Variants in GNG7 observed in about 807,000 individuals in gnomAD.
GNG7 encodes G protein subunit gamma 7.
In GNG7, 1 loss-of-function variant was observed where a neutral mutation model predicts 4.0. The ratio of observed to expected loss-of-function variants is 0.25; its 90% CI spans 0.09 to 1.18. GNG7 has a LOEUF of 1.18. GNG7 is among the 50% of genes most tolerant of loss of function. The pLI is 0.50. For missense variants in GNG7, 86 were observed against 91.9 expected (o/e 0.94, Z 0.26); for synonymous variants, 34 against 36.9 (o/e 0.92, Z 0.29).
intron 1 of GNG7, among the ~76,000 whole-genome samples, chr19:2,678,682 G>A (rs1983655426): frequency 6.6e-6 from 1 of 152,152 alleles, no homozygotes; most frequent in South Asian, 2.1e-4. Flanking sequence ...AGCAGGCAGC[G>A]CCTCCAAGAT....
At chr19:2,568,798 G>A (rs555111365) in intron 2 of GNG7, among the ~76,000 whole-genome samples, 203 of 146,310 alleles carry the variant, frequency 1.4e-3, no homozygotes, top group Non-Finnish European at 1.6e-3. Flanking sequence ...ACATATACAC[G>A]CACATATATA....
intron 1 of GNG7, among the ~76,000 whole-genome samples, chr19:2,675,158 C>T (rs1983562266): frequency 6.6e-6 from 1 of 152,196 alleles, no homozygotes; most frequent in Non-Finnish European, 1.5e-5. Flanking sequence ...AACAGTTGGA[C>T]GTGTTCATAA....
rs1004978770 is a variant in GNG7 at position 2,614,751 on chromosome 19, T to C, written c.-78+31473A>G. Among the ~76,000 whole-genome samples, 1 of 152,228 alleles carries C rather than the reference T, an allele frequency of 6.6e-6. No homozygotes were observed. The highest frequency in any genetic ancestry group is 1.5e-5 in the Non-Finnish European group (1 of 68,038). Reference sequence around the variant, plus strand: ...GTGAATCGTACTGTATGAACATTTGTGGCAAGGTTCTATTTGAACACCTGC... The same window carrying C: ...GTGAATCGTACTGTATGAACATTTGCGGCAAGGTTCTATTTGAACACCTGC... On this transcript the variant is annotated intron_variant, in intron 2 of 4. Transcript: ENST00000382159. The surrounding 1 kb of genome is among the most constrained non-coding windows in gnomAD (Gnocchi z 6.0).
chr19:2,681,041 C>T (rs572390225), intron 1 of GNG7, among the ~76,000 whole-genome samples: 26 of 152,078 alleles, frequency 1.7e-4, no homozygotes, highest in Non-Finnish European at 2.4e-4. Flanking sequence ...TGAGGACTGA[C>T]GCGGAGCATG....
chr19:2,546,846 C>T lies in GNG7; in HGVS notation c.-38+8303G>A, dbSNP rs375107362. ...ACGGTCATGTGAGAGTTTGCAAGCC[C>T]GGGAACCGGGGCCGGGCCAGGACAC... is the stretch of plus-strand genomic sequence containing the variant. On this transcript the variant is annotated intron_variant, in intron 3 of 4. Transcript: ENST00000382159. This position sits in a 1 kb window ranked among gnomAD's most constrained non-coding sequence, Gnocchi z 6.3. Among the ~76,000 whole-genome samples, 125 of 152,262 alleles carry T rather than the reference C, an allele frequency of 8.2e-4. No individual in the cohort carries two copies. Among genetic ancestry groups the T allele is most frequent in the African/African-American group, 2.7e-3 (114 of 41,548 alleles).
chr19:2,668,770 C>T (rs370010959), intron 1 of GNG7, among the ~76,000 whole-genome samples: 2 of 152,056 alleles, frequency 1.3e-5, no homozygotes, highest in East Asian at 3.9e-4. Flanking sequence ...CTTTGCACAG[C>T]GGGTTAGATA....
intron 2 of GNG7, among the ~76,000 whole-genome samples, chr19:2,558,467 C>T (rs1328872244): frequency 4.6e-5 from 7 of 152,046 alleles, no homozygotes; most frequent in South Asian, 2.1e-4. Context: ...CTCCTGGGCC[C>T]AAGCGATCCT....
chr19:2,608,041 T>G (rs1599419325), intron 2 of GNG7, among the ~76,000 whole-genome samples: 1 of 122,378 alleles, frequency 8.2e-6, no homozygotes, highest in Non-Finnish European at 1.6e-5. Flanking sequence ...GAAGATCAGA[T>G]GGTATTTGAG....
chr19:2,564,481 C>T (rs774703907), intron 2 of GNG7, among the ~76,000 whole-genome samples: 4 of 151,994 alleles, frequency 2.6e-5, no homozygotes, highest in Non-Finnish European at 5.9e-5. Flanking sequence ...GGCGGAGGCA[C>T]GAGAATTGCT....
chr19:2,639,188 C>T (rs566709842), intron 2 of GNG7, among the ~76,000 whole-genome samples: 3 of 151,506 alleles, frequency 2.0e-5, no homozygotes, highest in Non-Finnish European at 2.9e-5. Flanking sequence ...GAACCAAGAT[C>T]GCGCCACTGC....
At chr19:2,573,290 T>C (rs1211971483) in intron 2 of GNG7, among the ~76,000 whole-genome samples, 1 of 151,874 alleles carries the variant, frequency 6.6e-6, no homozygotes, top group African/African-American at 2.4e-5. Flanking sequence ...CCCAAAGTGC[T>C]GGGATTACAG....
chr19:2,545,192 A>T (rs1044613372), intron 3 of GNG7, among the ~76,000 whole-genome samples: 2 of 149,280 alleles, frequency 1.3e-5, no homozygotes, highest in African/African-American at 4.9e-5. Context: ...GTCTGGCGAC[A>T]TCTGTGGTTG....
intron 1 of GNG7, among the ~76,000 whole-genome samples, chr19:2,689,153 A>G (rs1439321027): frequency 6.6e-6 from 1 of 151,508 alleles, no homozygotes; most frequent in East Asian, 1.9e-4. Flanking sequence ...AATACATACA[A>G]TAAATAAATA....
chr19:2,644,071 A>G (rs907230115), intron 2 of GNG7, among the ~76,000 whole-genome samples: 2 of 151,882 alleles, frequency 1.3e-5, no homozygotes, highest in African/African-American at 4.8e-5. Flanking sequence ...CCCAGGCTGG[A>G]GTGCAGTGGC....
intron 2 of GNG7, among the ~76,000 whole-genome samples, chr19:2,567,133 AAAAAAAAAAC>A (rs1568246155): frequency 8.0e-4 from 53 of 66,616 alleles, no homozygotes; most frequent in Non-Finnish European, 8.5e-4. Flanking sequence ...CAAAAAAAAC[AAAAAAAAAAC>A]AAAAAAAAAA....
Position 2,512,181 on chromosome 19 carries a change from C to T in GNG7, c.*2841G>A, listed in dbSNP as rs974419865. 137 of 985,774 alleles carry T rather than the reference C, an allele frequency of 1.4e-4. No homozygotes were observed. Among genetic ancestry groups the T allele is most frequent in the Non-Finnish European group, 1.6e-4 (132 of 829,990 alleles). The allele number at this position is 985,774 out of a possible 1,614,324, so 61.1% of individuals were successfully genotyped here. On this transcript the variant is annotated 3_prime_UTR_variant, in exon 5 of 5. Transcript: ENST00000382159. The surrounding 1 kb of genome is among the most constrained non-coding windows in gnomAD (Gnocchi z 4.7). ...AGGCTAGAGCTGCTGCTGCCACCCC[C>T]GCCCGCCAGCTCCCCGTCTGGAGGT...
intron 3 of GNG7, among the ~76,000 whole-genome samples, chr19:2,524,121 A>G (rs1014306396): frequency 6.6e-6 from 1 of 152,220 alleles, no homozygotes; most frequent in Non-Finnish European, 1.5e-5. Flanking sequence ...TTGGAAGGCC[A>G]GGGGGTCCTA....
rs200034181 is a variant in GNG7, at chr19:2,512,113, C to T, written c.*2909G>A. ...CGTGGGTGGGGGTGAGTGTCCTTAA[C>T]TCTCTTTTCCCCTGGCGTAGCTGAG... is the stretch of plus-strand genomic sequence containing the variant. On this transcript the variant is annotated 3_prime_UTR_variant, in exon 5 of 5. Coordinates refer to ENST00000382159, the MANE Select transcript of GNG7 (RefSeq NM_052847.3). This position sits in a 1 kb window ranked among gnomAD's most constrained non-coding sequence, Gnocchi z 4.7. The T allele has an allele frequency of 1.7e-3, 1,642 of 985,822 alleles. 5 individuals carry two copies. Among genetic ancestry groups the T allele is most frequent in the Non-Finnish European group, 1.9e-3 (1,559 of 829,944 alleles). The allele number at this position is 985,822 out of a possible 1,614,324, so 61.1% of individuals were successfully genotyped here.
intron 3 of GNG7, among the ~76,000 whole-genome samples, chr19:2,521,633 A>ATTTTTTTTT (rs1978309536): frequency 1.2e-4 from 1 of 8,096 alleles, no homozygotes; most frequent in African/African-American, 7.0e-4. Flanking sequence ...TTTTTTTTTG[A>ATTTTTTTTT]GACAGAGTCT....
Sources: allele counts gnomAD v4.1 joint callset (sites outside exome capture counted in the v4.1 genomes callset), GRCh38; gene constraint gnomAD v4.1.1; non-coding constraint Gnocchi (gnomAD v3.1); transcripts MANE v1.5; gene names NCBI Gene and HGNC (gene_info 2026-07-23, HGNC 2026-07-21).